ADD3: variants seen among roughly 807,000 people sequenced by gnomAD.
ADD3 encodes adducin 3, also known as gamma-adducin.
Under a neutral mutation model 80.2 loss-of-function variants are expected in ADD3, and 25 were observed. That is an observed-to-expected ratio of 0.31 (90% CI 0.23 to 0.44). ADD3 has a LOEUF of 0.44. Among genes scored for constraint, ADD3 ranks in the 20% least tolerant of loss-of-function variants. The probability of loss-of-function intolerance (pLI) is 1.00; values close to 1 mark genes in which losing one functional copy is unlikely to be tolerated. For synonymous variants in ADD3, 284 were observed against 289.6 expected (o/e 0.98, Z 0.20); for missense variants, 829 against 847.5 (o/e 0.98, Z 0.27).
rs1853374615 is a variant in ADD3, at chr10:110,133,787, C to CAAAT, written c.*169_*170insAAAT. 1.9e-6 allele frequency: 1 copy of CAAAT among 522,024 alleles called. No individual in the cohort carries two copies. The highest frequency in any genetic ancestry group is 4.1e-5 in the South Asian group (1 of 24,684). The allele number at this position is 522,024 out of a possible 1,614,324, so 32.3% of individuals were successfully genotyped here. A position where few individuals can be genotyped will look rare whatever the true frequency, so the allele number is the denominator to read the frequency against. On this transcript the variant is annotated 3_prime_UTR_variant, in exon 15 of 15. Coordinates refer to ENST00000356080, the MANE Select transcript of ADD3 (RefSeq NM_016824.5). ...AAAAGAAAAACTTTCAGATTCATCT[C>CAAAT]TCATTTTATATGTCCAGAAATGGCT...
chr10:110,083,961 G>C (rs1054870296), intron 1 of ADD3, among the ~76,000 whole-genome samples: 3 of 152,162 alleles, frequency 2.0e-5, no homozygotes, highest in African/African-American at 7.2e-5. Context: ...AAGTTACTAA[G>C]CTCCTCATAG....
Position 110,052,254 on chromosome 10 carries a change from T to C in ADD3, c.-30+43955T>C, listed in dbSNP as rs933203389. 1.8e-4 allele frequency among the ~76,000 whole-genome samples: 27 copies of C among 152,206 alleles called. 1 individual carries two copies. Among genetic ancestry groups the C allele is most frequent in the Admixed American group, 1.8e-3 (27 of 15,282 alleles). Reference sequence around the variant, plus strand: ...AAGTAGTAGGTACCCCCTCCCTCTTTAGGAAAACACCAAAGAATCACTGCT... The same window carrying C: ...AAGTAGTAGGTACCCCCTCCCTCTTCAGGAAAACACCAAAGAATCACTGCT... On this transcript the variant is annotated intron_variant, in intron 1 of 14. Transcript: ENST00000356080.
In ADD3 at chr10:110,063,737, T is replaced by TATATATATATATA. The variant is rs1554926923; in HGVS notation, c.-29-36888_-29-36887insATATATATATATA. On this transcript the variant is annotated intron_variant, in intron 1 of 14. Transcript: ENST00000356080. ...TGATGAATATGAATATATATATTCA[T>TATATATATATATA]TATATATATATATATATATATATAT... is the stretch of plus-strand genomic sequence containing the variant. 2.8e-4 allele frequency among the ~76,000 whole-genome samples: 18 copies of TATATATATATATA among 64,672 alleles called. 1 individual carries two copies. The highest frequency in any genetic ancestry group is 1.0e-3 in the African/African-American group (17 of 16,436). The allele number at this position is 64,672 out of a possible 152,430, so 42.4% of individuals were successfully genotyped here.
intron 1 of ADD3, among the ~76,000 whole-genome samples, chr10:110,044,569 A>T (rs1856722274): frequency 6.6e-6 from 1 of 152,246 alleles, no homozygotes; most frequent in East Asian, 1.9e-4. Context: ...TTCATAGAAC[A>T]TCCACAGCTG....
chr10:110,115,828 A>G (rs1354239274), intron 3 of ADD3, among the ~76,000 whole-genome samples: 1 of 152,254 alleles, frequency 6.6e-6, no homozygotes, highest in Admixed American at 6.5e-5. Context: ...TACTATTTGC[A>G]TGCATTATTT....
chr10:110,111,118 A>G lies in ADD3; in HGVS notation c.196-1659A>G, dbSNP rs1590167832. Reference sequence around the variant, plus strand: ...ACTGTCAGTGACTCAAAAGAGATTCACCCTTCTAAAGGAAGTTTTCTCCAT... The same window carrying G: ...ACTGTCAGTGACTCAAAAGAGATTCGCCCTTCTAAAGGAAGTTTTCTCCAT... On this transcript the variant is annotated intron_variant, in intron 2 of 14. Transcript: ENST00000356080. 5.3e-5 allele frequency among the ~76,000 whole-genome samples: 8 copies of G among 152,164 alleles called. 2 individuals carry two copies. The highest frequency in any genetic ancestry group is 5.2e-4 in the Admixed American group (8 of 15,242).
chr10:110,047,147 ATAT>A (rs1391388726), intron 1 of ADD3, among the ~76,000 whole-genome samples: 5 of 152,242 alleles, frequency 3.3e-5, no homozygotes, highest in Admixed American at 3.3e-4. Context: ...AGCTAAATAA[ATAT>A]TATTCATTAT....
chr10:110,022,609 G>A (rs1564850332), intron 1 of ADD3, among the ~76,000 whole-genome samples: 2 of 152,136 alleles, frequency 1.3e-5, no homozygotes, highest in African/African-American at 2.4e-5. Flanking sequence ...AGCTTGATAA[G>A]TTTTCAGTAT....
intron 2 of ADD3, among the ~76,000 whole-genome samples, chr10:110,105,747 T>G (rs778226044): frequency 6.6e-6 from 1 of 152,188 alleles, no homozygotes; most frequent in Non-Finnish European, 1.5e-5. Context: ...GGCATATACA[T>G]TTTAGGATAT....
chr10:110,081,670 T>C (rs1265131867), intron 1 of ADD3, among the ~76,000 whole-genome samples: 2 of 152,170 alleles, frequency 1.3e-5, no homozygotes, highest in East Asian at 1.9e-4. Flanking sequence ...CTAAAACGTA[T>C]CTGATGTATA....
At chr10:110,122,470 G>C (rs563483154) in intron 9 of ADD3, among the ~76,000 whole-genome samples, 178 bp downstream of exon 9, 1 of 148,458 alleles carries the variant, frequency 6.7e-6, no homozygotes, top group Non-Finnish European at 1.5e-5. Context: ...CAAATGTCGT[G>C]TTTTTTTTTT....
chr10:110,018,053 G>GA (rs1308709946), intron 1 of ADD3, among the ~76,000 whole-genome samples: 1 of 152,122 alleles, frequency 6.6e-6, no homozygotes, highest in Non-Finnish European at 1.5e-5. Context: ...GTGTCTTCCA[G>GA]AAAATCCCCA....
In ADD3 at chr10:110,133,855, A is replaced by G. The variant is rs574571660; in HGVS notation, c.*237A>G. On this transcript the variant is annotated 3_prime_UTR_variant, in exon 15 of 15. Transcript: ENST00000356080. ...ACTAGTTTTAATTAGCTCTGCCCTC[A>G]TGAAGTATTATTATAATTCACCATA... 4.1e-4 allele frequency: 134 copies of G among 327,782 alleles called. 1 individual carries two copies. The highest frequency in any genetic ancestry group is 2.7e-3 in the African/African-American group (129 of 47,066). 20.3% of individuals were successfully genotyped at this position (327,782 alleles called of 1,614,324 possible).
intron 1 of ADD3, among the ~76,000 whole-genome samples, chr10:110,033,822 C>G (rs1393019845): frequency 6.6e-6 from 1 of 152,150 alleles, no homozygotes. Flanking sequence ...CCGTAATTTG[C>G]TAGTTGCCTG....
rs947317555 is a variant in ADD3, at chr10:110,009,457, T to A, written c.-30+1158T>A. On this transcript the variant is annotated intron_variant, in intron 1 of 14. Transcript: ENST00000356080. ...GAAAAAATAAGAGTACAGTGCAATT[T>A]GTCGTTTTCAAGTTAAATACTTGAC... Among the ~76,000 whole-genome samples the A allele has an allele frequency of 3.9e-5, 6 of 152,290 alleles. No individual in the cohort carries two copies. In the East Asian group the frequency reaches 1.2e-3, roughly 29 times the overall value.
intron 2 of ADD3, among the ~76,000 whole-genome samples, chr10:110,103,284 A>C (rs1310497473): frequency 6.6e-6 from 1 of 152,260 alleles, no homozygotes; most frequent in Non-Finnish European, 1.5e-5. Context: ...TAAAACAAGC[A>C]TTCATTATCT....
chr10:110,124,399 C>T, intron 10 of ADD3, 125 bp downstream of exon 10: 1 of 1,150,134 alleles, frequency 8.7e-7, no homozygotes, highest in Non-Finnish European at 1.2e-6. Flanking sequence ...TGTCACTTAT[C>T]TGGCTTTAAC....
At chr10:110,097,682 C>T (rs373283777) in intron 1 of ADD3, among the ~76,000 whole-genome samples, 4 of 152,092 alleles carry the variant, frequency 2.6e-5, no homozygotes, top group African/African-American at 9.7e-5. Flanking sequence ...AGGATCTGAT[C>T]CAAGATTACA....
At chr10:110,090,216 CTT>C (rs144120692) in intron 1 of ADD3, among the ~76,000 whole-genome samples, 6 of 113,922 alleles carry the variant, frequency 5.3e-5, no homozygotes, top group Admixed American at 9.0e-5. Flanking sequence ...ACCTACTTGA[CTT>C]TTTTTTTTTT....
Sources: allele counts gnomAD v4.1 joint callset (sites outside exome capture counted in the v4.1 genomes callset), GRCh38; gene constraint gnomAD v4.1.1; transcripts MANE v1.5; gene names NCBI Gene and HGNC (gene_info 2026-07-23, HGNC 2026-07-21).